Variants in GRID1 observed in about 807,000 individuals in gnomAD.
GRID1 encodes glutamate ionotropic receptor delta type subunit 1.
A neutral mutation model predicts 98.0 loss-of-function variants in GRID1; 28 were observed. The ratio of observed to expected loss-of-function variants is 0.29; its 90% confidence interval spans 0.21 to 0.39. The LOEUF is 0.39. Ranked by LOEUF, GRID1 falls within the 10% of genes least tolerant of loss-of-function variation. GRID1 has a pLI of 1.00. For missense variants in GRID1, 1,111 were observed against 1,340.5 expected (o/e 0.83, Z 2.67); for synonymous variants, 553 against 538.5 (o/e 1.03, Z -0.37).
chr10:85,909,148 A>C (rs573150687), intron 5 of GRID1, among the ~76,000 whole-genome samples: 1 of 152,358 alleles, frequency 6.6e-6, no homozygotes, highest in Admixed American at 6.5e-5. Context: ...TTTGCCAAGA[A>C]GATACCTAGA....
At chr10:85,877,656 C>T (rs1199151398) in intron 5 of GRID1, among the ~76,000 whole-genome samples, 2 of 151,152 alleles carry the variant, frequency 1.3e-5, no homozygotes, top group Admixed American at 6.6e-5. Context: ...GTAGATAAAA[C>T]CACAAAGATG....
intron 15 of GRID1, among the ~76,000 whole-genome samples, chr10:85,608,992 G>C (rs1437585062): frequency 6.6e-6 from 1 of 152,152 alleles, no homozygotes; most frequent in Non-Finnish European, 1.5e-5. Flanking sequence ...CAGGATCCAG[G>C]AGCCTGGCCC....
At chr10:85,662,224 C>T (rs114119941) in intron 12 of GRID1, among the ~76,000 whole-genome samples, 178 of 152,348 alleles carry the variant, frequency 1.2e-3, no homozygotes, top group African/African-American at 4.2e-3. Flanking sequence ...GTGTTTTACT[C>T]TCCTTTCTCC....
At chr10:86,003,266 A>T (rs548524344) in intron 4 of GRID1, among the ~76,000 whole-genome samples, 1 of 152,300 alleles carries the variant, frequency 6.6e-6, no homozygotes, top group East Asian at 1.9e-4. Flanking sequence ...GTCTAATGAG[A>T]CTTGCTCTTG....
At chr10:85,910,905 G>A (rs1291282579) in intron 5 of GRID1, among the ~76,000 whole-genome samples, 3 of 152,206 alleles carry the variant, frequency 2.0e-5, no homozygotes, top group Non-Finnish European at 1.5e-5. Context: ...CTGCAAGAAA[G>A]GGAAGTCCTA....
chr10:85,909,753 G>A (rs1479489908), intron 5 of GRID1, among the ~76,000 whole-genome samples: 1 of 152,174 alleles, frequency 6.6e-6, no homozygotes, highest in Non-Finnish European at 1.5e-5. Flanking sequence ...GAGAGTGGGT[G>A]AGAGTGGGCC....
intron 3 of GRID1, among the ~76,000 whole-genome samples, chr10:86,182,328 G>A (rs1291382903): frequency 6.6e-6 from 1 of 152,230 alleles, no homozygotes; most frequent in Non-Finnish European, 1.5e-5. Context: ...CATCAGTGGG[G>A]GAGCCTCCAC....
At chr10:85,952,075 C>A (rs1039666399) in intron 4 of GRID1, among the ~76,000 whole-genome samples, 6 of 152,240 alleles carry the variant, frequency 3.9e-5, no homozygotes, top group African/African-American at 1.4e-4. Context: ...TCTTCCCAAA[C>A]AAACCTTTCA....
chr10:86,293,607 C>G (rs1847546943), intron 2 of GRID1, among the ~76,000 whole-genome samples: 2 of 152,228 alleles, frequency 1.3e-5, no homozygotes, highest in Non-Finnish European at 2.9e-5. Context: ...GTATTCCCCA[C>G]AAAGCAACCT....
chr10:86,015,632 A>G (rs1355900490), intron 4 of GRID1, among the ~76,000 whole-genome samples: 2 of 152,190 alleles, frequency 1.3e-5, no homozygotes, highest in East Asian at 3.9e-4. Context: ...GCTCAGCCCT[A>G]CTGTGGCTGA....
intron 13 of GRID1, among the ~76,000 whole-genome samples, chr10:85,640,200 A>C (rs1843098366): frequency 6.6e-6 from 1 of 152,260 alleles, no homozygotes; most frequent in Non-Finnish European, 1.5e-5. Flanking sequence ...AGAAGATAGC[A>C]TCCAAGTTGC....
intron 2 of GRID1, among the ~76,000 whole-genome samples, chr10:86,298,712 CT>C (rs766310616): frequency 6.6e-6 from 1 of 152,188 alleles, no homozygotes; most frequent in Non-Finnish European, 1.5e-5. Flanking sequence ...CACTCCACCC[CT>C]ACGGCACCTG....
At chr10:85,710,816 T>A (rs1841573849) in intron 12 of GRID1, among the ~76,000 whole-genome samples, 2 of 152,156 alleles carry the variant, frequency 1.3e-5, no homozygotes, top group South Asian at 4.1e-4. Context: ...TGAATAACAT[T>A]TCTCCAAAGG....
intron 13 of GRID1, among the ~76,000 whole-genome samples, chr10:85,638,958 T>G (rs1237919467): frequency 6.6e-6 from 1 of 152,154 alleles, no homozygotes; most frequent in Non-Finnish European, 1.5e-5. Flanking sequence ...ATTCAGCAAC[T>G]GAGACTTACA....
intron 8 of GRID1, among the ~76,000 whole-genome samples, chr10:85,850,945 G>A (rs1234290831): frequency 5.9e-5 from 9 of 152,138 alleles, no homozygotes; most frequent in Non-Finnish European, 1.3e-4. Context: ...TACTGTGGAT[G>A]CTTAACAGTT....
At chr10:86,313,158 A>G (rs7091924) in intron 2 of GRID1, among the ~76,000 whole-genome samples, 28,098 of 152,206 alleles carry the variant, frequency 0.18, 2,943 homozygotes, top group African/African-American at 0.28. Context: ...GAGACTATGC[A>G]GTGGGGAAAG....
intron 2 of GRID1, among the ~76,000 whole-genome samples, chr10:86,299,486 G>A (rs1409854875): frequency 3.1e-5 from 4 of 128,804 alleles, no homozygotes; most frequent in African/African-American, 6.0e-5. Context: ...CTCCCCCCTC[G>A]CCCCCCTCCC....
intron 8 of GRID1, among the ~76,000 whole-genome samples, chr10:85,852,749 C>A (rs1049875994): frequency 3.3e-5 from 5 of 152,138 alleles, no homozygotes; most frequent in African/African-American, 1.2e-4. Flanking sequence ...ATGACCCAGA[C>A]CAATGCTGAC....
At chr10:86,332,469 CT>C (rs1848158894) in intron 2 of GRID1, among the ~76,000 whole-genome samples, 1 of 152,064 alleles carries the variant, frequency 6.6e-6, no homozygotes, top group South Asian at 2.1e-4. Flanking sequence ...CTGGGATGGC[CT>C]CTCACCCCTT....
Sources: gnomAD v4.1 joint callset for allele counts (sites outside exome capture counted in the v4.1 genomes callset) on GRCh38, gnomAD v4.1.1 for gene constraint, MANE v1.5 for transcripts, NCBI Gene and HGNC (gene_info 2026-07-23, HGNC 2026-07-21) for gene names.